Variants in GKAP1 observed in about 807,000 individuals in gnomAD.
GKAP1 encodes the protein G kinase-anchoring protein 1.
GKAP1 carries 31 observed loss-of-function variants against 56.7 expected under a neutral mutation model. The ratio of observed to expected loss-of-function variants is 0.55; its 90% CI spans 0.41 to 0.74. The LOEUF is 0.74. Ranked by LOEUF, GKAP1 falls within the 30% of genes least tolerant of loss-of-function variation. GKAP1 has a pLI of 0.00. For missense variants in GKAP1, 364 were observed against 402.3 expected, an observed-to-expected ratio of 0.90 and a Z score of 0.82; for synonymous variants, 151 against 138.6, an observed-to-expected ratio of 1.09 and a Z score of -0.63.
chr9:83,744,170 T>C (rs1421400892), intron 10 of GKAP1, among the ~76,000 whole-genome samples: 1 of 152,194 alleles, frequency 6.6e-6, no homozygotes, highest in Admixed American at 6.5e-5. Context: ...TTATAAACAC[T>C]TGCTGAAAAC....
At chr9:83,812,259 G>GTATATATACACA (rs1265397086) in intron 2 of GKAP1, among the ~76,000 whole-genome samples, 2 of 141,904 alleles carry the variant, frequency 1.4e-5, no homozygotes, top group Non-Finnish European at 3.1e-5. Flanking sequence ...ATATGTATAC[G>GTATATATACACA]TATATATACA....
chr9:83,779,448 TACACACACACACACACGC>T (rs1943918490), intron 7 of GKAP1, among the ~76,000 whole-genome samples: 1 of 119,612 alleles, frequency 8.4e-6, no homozygotes, highest in South Asian at 2.9e-4. Flanking sequence ...TATATATATA[TACACACACACACACACGC>T]ACATATACAT....
At chr9:83,772,720 A>G (rs959780205) in intron 7 of GKAP1, among the ~76,000 whole-genome samples, 8 of 152,228 alleles carry the variant, frequency 5.3e-5, no homozygotes, top group African/African-American at 1.9e-4. Context: ...TTGTTTTCAG[A>G]CATATAAAGA....
At position 83,763,247 on chromosome 9, in the gene GKAP1, A is replaced by G. The variant is rs550060945; in HGVS notation, c.738+5571T>C. 3.9e-5 allele frequency among the ~76,000 whole-genome samples: 6 copies of G among 152,294 alleles called. No homozygotes were observed. The South Asian group carries it at 1.0e-3, about 26-fold the overall frequency. ...TCTAAAATTCAAAACAACTGAACTA[A>G]TGGAGTTACAAAGTAGAAGGATGGT... On this transcript the variant is annotated intron_variant, in intron 8 of 12. Coordinates refer to ENST00000376371, the MANE Select transcript of GKAP1 (RefSeq NM_025211.4).
At chr9:83,795,156 C>CAAAAAAA (rs1031439217) in intron 4 of GKAP1, among the ~76,000 whole-genome samples, 3 of 64,464 alleles carry the variant, frequency 4.7e-5, no homozygotes, top group Non-Finnish European at 8.9e-5. Context: ...GACTCCATCT[C>CAAAAAAA]AAAAAAAAAA....
intron 7 of GKAP1, among the ~76,000 whole-genome samples, chr9:83,777,589 C>G (rs562048699): frequency 6.6e-6 from 1 of 152,186 alleles, no homozygotes; most frequent in East Asian, 1.9e-4. Flanking sequence ...CACCTCATCA[C>G]CCATCAATAA....
At chr9:83,777,778 G>A (rs548606474) in intron 7 of GKAP1, among the ~76,000 whole-genome samples, 3 of 152,178 alleles carry the variant, frequency 2.0e-5, no homozygotes, top group East Asian at 1.9e-4. Flanking sequence ...TTCAGCATAC[G>A]ACGTTAACAA....
intron 4 of GKAP1, among the ~76,000 whole-genome samples, chr9:83,795,910 T>C (rs1209143856): frequency 3.3e-5 from 5 of 152,250 alleles, no homozygotes; most frequent in African/African-American, 1.2e-4. Context: ...GTGAAATTCT[T>C]GGTCTTAACA....
rs144864492 is a variant in GKAP1, at chr9:83,788,634, T to G, written c.405A>C (p.Leu135Phe). 2.3e-5 allele frequency: 37 copies of G among 1,604,528 alleles called. No homozygotes were observed. The African/African-American group carries it at 4.8e-4, about 21-fold the overall frequency. The change falls in exon 5 of 13, where the codon TTA becomes TTC. Residue 135 changes from leucine (L) to phenylalanine (F), a missense_variant. Transcript: ENST00000376371. Reference sequence around the variant, plus strand: ...GCTCTTCATATTCTAGTTTACTTAGTAACAATGCCTTCTCAAGATCTGCTT... The same window carrying G: ...GCTCTTCATATTCTAGTTTACTTAGGAACAATGCCTTCTCAAGATCTGCTT... Reference protein sequence around the residue: ...MFEADLEKALLLSKLEYEEHK... With the variant: ...MFEADLEKALFLSKLEYEEHK...
intron 9 of GKAP1, among the ~76,000 whole-genome samples, chr9:83,750,821 A>G (rs1482462636): frequency 6.6e-6 from 1 of 152,108 alleles, no homozygotes; most frequent in East Asian, 1.9e-4. Context: ...AAAGATTTTT[A>G]ATGCCCTCTC....
At chr9:83,786,665 G>A (rs901225546) in intron 5 of GKAP1, among the ~76,000 whole-genome samples, 2 of 152,064 alleles carry the variant, frequency 1.3e-5, no homozygotes, top group Admixed American at 6.6e-5. Context: ...ATTGAATATT[G>A]ACTTTTATCT....
chr9:83,766,996 C>T (rs1048487332), intron 8 of GKAP1, among the ~76,000 whole-genome samples: 1 of 152,154 alleles, frequency 6.6e-6, no homozygotes, highest in African/African-American at 2.4e-5. Context: ...CTACAAGTTT[C>T]AAGCTAGGAG....
At chr9:83,762,036 T>C (rs936108782) in intron 8 of GKAP1, among the ~76,000 whole-genome samples, 2 of 152,146 alleles carry the variant, frequency 1.3e-5, no homozygotes, top group African/African-American at 4.8e-5. Context: ...TTCAACGTAG[T>C]ACTGGAAGTC....
intron 8 of GKAP1, among the ~76,000 whole-genome samples, chr9:83,759,441 GAGAC>G (rs1943532535): frequency 6.6e-6 from 1 of 151,378 alleles, no homozygotes; most frequent in Non-Finnish European, 1.5e-5. Context: ...TTTTTTTGCA[GAGAC>G]AGGGTTATTA....
At chr9:83,787,529 T>A (rs1236906515) in intron 5 of GKAP1, among the ~76,000 whole-genome samples, 5 of 152,222 alleles carry the variant, frequency 3.3e-5, no homozygotes, top group African/African-American at 1.2e-4. Flanking sequence ...ATTATTCACT[T>A]CTTTTCATTT....
At chr9:83,793,365 T>C (rs1564208415) in intron 4 of GKAP1, among the ~76,000 whole-genome samples, 1 of 152,340 alleles carries the variant, frequency 6.6e-6, no homozygotes, top group Middle Eastern at 3.4e-3. Flanking sequence ...ATTTTCAAAG[T>C]GTAGACTACA....
intron 7 of GKAP1, among the ~76,000 whole-genome samples, chr9:83,776,853 A>G (rs952220370): frequency 6.6e-6 from 1 of 152,176 alleles, no homozygotes; most frequent in African/African-American, 2.4e-5. Context: ...TACTTTTCAT[A>G]ATATAACTAG....
In GKAP1 at chr9:83,767,937, T is replaced by C. The variant is rs1564196199; in HGVS notation, c.738+881A>G. 2.0e-5 allele frequency among the ~76,000 whole-genome samples: 3 copies of C among 152,322 alleles called. No homozygotes were observed. In the South Asian group the frequency reaches 6.2e-4, roughly 32 times the overall value. On this transcript the variant is annotated intron_variant, in intron 8 of 12. Transcript: ENST00000376371. ...CCTGGCCTCAAGTGATCTGCCCGCTTCAGCCTCCCAAGTTCCTGGGATTAC... is the reference window on the plus strand; with the variant it reads ...CCTGGCCTCAAGTGATCTGCCCGCTCCAGCCTCCCAAGTTCCTGGGATTAC...
Position 83,768,945 on chromosome 9 carries a change from G to A in GKAP1, c.611C>T (p.Ser204Leu), listed in dbSNP as rs1943710582. 4 of 1,609,166 alleles carry A rather than the reference G, an allele frequency of 2.5e-6. No individual in the cohort carries two copies. The highest frequency in any genetic ancestry group is 3.4e-6 in the Non-Finnish European group (4 of 1,178,714). The stretch of plus-strand genomic sequence containing the variant: ...TCTATTGAAGAATCCTCCATCATGT[G>A]ATAAAGTCTGAGAAGAACTCAATTC... ...TEELSSSQTL[S>L]HDGGFFNRLE... The change falls in exon 8 of 13, where the codon TCA (serine) becomes TTA (leucine). Residue 204 changes from serine to leucine, a missense_variant. Physicochemically the swap from Ser to Leu is moderately radical, Grantham distance 145 (BLOSUM62 -2). Coordinates refer to ENST00000376371, the MANE Select transcript of GKAP1 (RefSeq NM_025211.4).
Sources: allele counts gnomAD v4.1 joint callset (sites outside exome capture counted in the v4.1 genomes callset), GRCh38; gene constraint gnomAD v4.1.1; transcripts MANE v1.5; gene names NCBI Gene and HGNC (gene_info 2026-07-23, HGNC 2026-07-21).